EIF2AK4: variants seen among roughly 807,000 people sequenced by gnomAD.
EIF2AK4 encodes the protein eIF-2-alpha kinase GCN2.
A neutral mutation model predicts 211.1 loss-of-function variants in EIF2AK4; 139 were observed. The observed-to-expected ratio is 0.66, with a 90% CI of 0.57 to 0.76. EIF2AK4 has a LOEUF of 0.76. EIF2AK4 is among the 30% of genes least tolerant of loss of function. The pLI, the probability that EIF2AK4 is intolerant of heterozygous loss-of-function variation, is 0.00. For missense variants in EIF2AK4, 1,664 were observed against 2,043.8 expected (o/e 0.81, Z 3.58); for synonymous variants, 710 against 751.3 (o/e 0.94, Z 0.90).
At chr15:39,969,426 T>C (rs1348031548) in intron 9 of EIF2AK4, among the ~76,000 whole-genome samples, 1 of 145,460 alleles carries the variant, frequency 6.9e-6, no homozygotes, top group Non-Finnish European at 1.5e-5. Context: ...AGTGGTACGA[T>C]CTCAGCTTCC....
At chr15:39,951,979 A>C (rs1327666799) in intron 4 of EIF2AK4, among the ~76,000 whole-genome samples, 1 of 151,808 alleles carries the variant, frequency 6.6e-6, no homozygotes, top group East Asian at 1.9e-4. Flanking sequence ...TCTCTACCAC[A>C]CTCTTTGAAT....
At chr15:39,955,552 AT>A in intron 5 of EIF2AK4, 67 bp from the exon 6 acceptor site, 1 of 1,499,276 alleles carries the variant, frequency 6.7e-7, no homozygotes, top group South Asian at 1.3e-5. Context: ...TGAATTAATA[AT>A]TATGTACCAT....
At chr15:40,014,434 T>C (rs1036064557) in intron 27 of EIF2AK4, among the ~76,000 whole-genome samples, 1 of 152,244 alleles carries the variant, frequency 6.6e-6, no homozygotes, top group African/African-American at 2.4e-5. Flanking sequence ...ATCTGCAGGC[T>C]CAACAGCACA....
chr15:39,966,710 A>G (rs760092477), intron 8 of EIF2AK4, among the ~76,000 whole-genome samples: 2 of 152,234 alleles, frequency 1.3e-5, no homozygotes, highest in Non-Finnish European at 2.9e-5. Context: ...AAGTATAGAA[A>G]GAAAACTGAA....
intron 6 of EIF2AK4, 120 bp downstream of exon 6, chr15:39,955,888 C>G (rs2034384221): frequency 9.8e-7 from 1 of 1,017,154 alleles, no homozygotes; most frequent in Non-Finnish European, 1.4e-6. Context: ...TTTTTTCAAA[C>G]CTTATATATC....
rs1271942800 is a variant in EIF2AK4, at chr15:40,027,880, A to G, written c.4503-1526A>G. ...ACTCCAGCCTGGGTGACAGAGCGAG[A>G]CTCTGTCTCAAAAAAAAAAACAAAA... On this transcript the variant is annotated intron_variant, in intron 33 of 38. Transcript: ENST00000263791. 3.5e-5 allele frequency among the ~76,000 whole-genome samples: 5 copies of G among 144,120 alleles called. No individual in the cohort carries two copies. In the East Asian group the frequency reaches 9.8e-4, roughly 28 times the overall value. The allele number at this position is 144,120 out of a possible 152,430, so 94.5% of individuals were successfully genotyped here. A position where few individuals can be genotyped will look rare whatever the true frequency, so the allele number is the denominator to read the frequency against.
chr15:40,019,193 A>C lies in EIF2AK4; in HGVS notation c.4166A>C (p.Glu1389Ala). Residue 1389 changes from glutamate to alanine, a missense_variant, in exon 30 of 39, where the codon GAG (glutamate) becomes GCG (alanine). Physicochemically the swap from Glu to Ala is moderately radical, Grantham distance 107. Around this residue, in one of 7 missense-constraint regions of EIF2AK4, gnomAD observed 622 missense variants for 796.8 expected, o/e 0.78. Coordinates refer to ENST00000263791, the MANE Select transcript of EIF2AK4 (RefSeq NM_001013703.4). Reference protein sequence around the residue: ...DKISAAVLNMEESVTISSCDL... With the variant: ...DKISAAVLNMAESVTISSCDL... The stretch of plus-strand genomic sequence containing the variant: ...ATATCTGCTGCTGTCCTCAACATGG[A>C]GGAATCTGTAAGTTCTGGCTTGGCT... 6.3e-7 allele frequency: 1 copy of C among 1,578,952 alleles called. No individual in the cohort carries two copies. The highest frequency in any genetic ancestry group is 1.8e-5 in the Admixed American group (1 of 54,528).
At chr15:39,963,762 A>T (rs764867775) in intron 7 of EIF2AK4, among the ~76,000 whole-genome samples, 1 of 152,104 alleles carries the variant, frequency 6.6e-6, no homozygotes, top group Non-Finnish European at 1.5e-5. Flanking sequence ...GTCTCAGTAT[A>T]TTCTTTTGTC....
At chr15:39,965,316 G>T (rs1689606) in intron 7 of EIF2AK4, among the ~76,000 whole-genome samples, 86,174 of 151,816 alleles carry the variant, frequency 0.57, 24,655 homozygotes, top group Non-Finnish European at 0.61. Flanking sequence ...TAGCGACGGG[G>T]TTTCACCATG....
In EIF2AK4 at chr15:39,976,572, C is replaced by T. The variant is rs776527146; in HGVS notation, c.1977C>T (p.His659=). 1.9e-6 allele frequency: 3 copies of T among 1,611,740 alleles called. No individual in the cohort carries two copies. Among genetic ancestry groups the T allele is most frequent in the East Asian group, 4.5e-5 (2 of 44,836 alleles). The change falls in exon 12 of 39, where the codon CAC becomes CAT. Residue 659 remains histidine, a synonymous_variant. Transcript: ENST00000263791. ...ACTACAACGCCTGGATCGAGCGGCA[C>T]GAGCGGCCGGCGGGACCGGGGACGC... ...VRYYNAWIER[H]ERPAGPGTPP...
At chr15:39,949,315 T>C in intron 4 of EIF2AK4, 47 bp downstream of exon 4, 2 of 1,604,876 alleles carry the variant, frequency 1.2e-6, no homozygotes, top group South Asian at 2.2e-5. Context: ...GCCTGGAGGA[T>C]TGCAAACTAC....
At chr15:40,002,563 G>A in intron 21 of EIF2AK4, 150 bp from the exon 22 acceptor site, 2 of 739,188 alleles carry the variant, frequency 2.7e-6, no homozygotes, top group Non-Finnish European at 4.7e-6. Flanking sequence ...CCTCTTCCCT[G>A]ATGTGTTCAA....
At chr15:39,960,538 T>C (rs2034456522) in intron 6 of EIF2AK4, among the ~76,000 whole-genome samples, 1 of 152,118 alleles carries the variant, frequency 6.6e-6, no homozygotes. Flanking sequence ...GGCAGTTTTA[T>C]TGACGTTGCA....
intron 13 of EIF2AK4, among the ~76,000 whole-genome samples, chr15:39,983,817 T>C (rs1410091386): frequency 6.6e-6 from 1 of 152,258 alleles, no homozygotes; most frequent in African/African-American, 2.4e-5. Flanking sequence ...TTCACTCTAA[T>C]GATAGTTTCT....
intron 34 of EIF2AK4, among the ~76,000 whole-genome samples, chr15:40,030,047 G>C (rs1388194298): frequency 6.6e-6 from 1 of 152,202 alleles, no homozygotes; most frequent in Non-Finnish European, 1.5e-5. Flanking sequence ...GAAGTATGCA[G>C]GTTTGGTGAT....
At position 40,019,163 on chromosome 15, in the gene EIF2AK4, A is replaced by G. The variant is rs1199028008; in HGVS notation, c.4136A>G (p.Asp1379Gly). 6.2e-7 allele frequency: 1 copy of G among 1,604,050 alleles called. No homozygotes were observed. Residue 1379 changes from aspartate (D) to glycine (G), a missense_variant, in exon 30 of 39, where the codon GAC (aspartate) becomes GGC (glycine). By Grantham distance (94) the Asp-to-Gly change is moderately conservative. Coordinates refer to ENST00000263791, the MANE Select transcript of EIF2AK4 (RefSeq NM_001013703.4). ...PTAIGVSIAI[D>G]KISAAVLNME... Reference sequence around the variant, plus strand: ...GCCATTGGGGTCAGCATAGCTATAGACAAGATATCTGCTGCTGTCCTCAAC... The same window carrying G: ...GCCATTGGGGTCAGCATAGCTATAGGCAAGATATCTGCTGCTGTCCTCAAC...
intron 14 of EIF2AK4, among the ~76,000 whole-genome samples, chr15:39,987,037 T>A (rs999273801): frequency 3.3e-5 from 5 of 152,204 alleles, no homozygotes; most frequent in Non-Finnish European, 7.4e-5. Context: ...TTGAATGAGA[T>A]GAATTAGGTA....
At chr15:39,977,002 G>A in intron 12 of EIF2AK4, 158 bp downstream of exon 12, 1 of 935,448 alleles carries the variant, frequency 1.1e-6, no homozygotes, top group East Asian at 3.3e-5. Flanking sequence ...CCAGGCTGGA[G>A]GTCAGTGGCG....
intron 30 of EIF2AK4, among the ~76,000 whole-genome samples, chr15:40,019,764 T>C (rs2035357991): frequency 6.6e-6 from 1 of 152,226 alleles, no homozygotes; most frequent in Admixed American, 6.5e-5. Context: ...TGAAGACTTC[T>C]GCCTTAGACA....
Sources: allele counts gnomAD v4.1 joint callset (sites outside exome capture counted in the v4.1 genomes callset), GRCh38; gene constraint gnomAD v4.1.1; regional missense constraint gnomAD v4.1.1; transcripts MANE v1.5; gene names NCBI Gene and HGNC (gene_info 2026-07-23, HGNC 2026-07-21).